Variants in MAP4K4 observed in about 807,000 individuals in gnomAD.
MAP4K4 encodes HPK/GCK-like kinase HGK.
In MAP4K4, 38 loss-of-function variants were observed where a neutral mutation model predicts 189.6. That is an observed-to-expected ratio of 0.20 (90% CI 0.15 to 0.26). The LOEUF is 0.26. Among genes scored for constraint, MAP4K4 ranks in the 10% least tolerant of loss-of-function variants. The pLI is 1.00. For missense variants in MAP4K4, 1,054 were observed against 1,726.9 expected, an observed-to-expected ratio of 0.61 and a Z score of 6.91; for synonymous variants, 610 against 624.3, an observed-to-expected ratio of 0.98 and a Z score of 0.34.
intron 2 of MAP4K4, among the ~76,000 whole-genome samples, chr2:101,783,156 A>G (rs1192768566): frequency 6.6e-6 from 1 of 152,170 alleles, no homozygotes; most frequent in Non-Finnish European, 1.5e-5. Flanking sequence ...CTTAGCTACT[A>G]GTTGAGTGTC....
chr2:101,764,197 G>A (rs1255335142), intron 2 of MAP4K4, among the ~76,000 whole-genome samples: 2 of 152,076 alleles, frequency 1.3e-5, no homozygotes, highest in African/African-American at 2.4e-5. Context: ...TAAGGGTCTA[G>A]CTTCCTTTTA....
chr2:101,776,889 A>G (rs528721939), intron 2 of MAP4K4, among the ~76,000 whole-genome samples: 3 of 152,308 alleles, frequency 2.0e-5, no homozygotes, highest in Admixed American at 6.5e-5. Context: ...ATAATAAGCA[A>G]TGTTACGGAC....
chr2:101,730,715 T>G (rs2058063181), intron 2 of MAP4K4, among the ~76,000 whole-genome samples: 1 of 152,160 alleles, frequency 6.6e-6, no homozygotes, highest in African/African-American at 2.4e-5. Context: ...TTACAAATCC[T>G]TAAAACTTAA....
At chr2:101,815,046 T>C (rs2095639436) in intron 3 of MAP4K4, among the ~76,000 whole-genome samples, 1 of 152,264 alleles carries the variant, frequency 6.6e-6, no homozygotes, top group African/African-American at 2.4e-5. Context: ...AGCCTCATTT[T>C]GACAGCCAAT....
Position 101,751,002 on chromosome 2 carries a change from C to T in MAP4K4, c.124-39718C>T, listed in dbSNP as rs182864848. ...TGAATTTGGGGACCAGTCCAGGCTC[C>T]ACAGCCTGGGCACAACACTGATACC... is the stretch of plus-strand genomic sequence containing the variant. On this transcript the variant is annotated intron_variant, in intron 2 of 32. Transcript: ENST00000324219. Among the ~76,000 whole-genome samples, 5 of 152,256 alleles carry T rather than the reference C, an allele frequency of 3.3e-5. No homozygotes were observed. The East Asian group carries it at 9.7e-4, about 29-fold the overall frequency.
At chr2:101,872,624 G>C (rs1218191087) in intron 24 of MAP4K4, among the ~76,000 whole-genome samples, 1 of 152,176 alleles carries the variant, frequency 6.6e-6, no homozygotes, top group Non-Finnish European at 1.5e-5. Flanking sequence ...CAAGTCAACT[G>C]CTTCCTAGAC....
At chr2:101,818,329 C>T (rs2095843277) in intron 3 of MAP4K4, among the ~76,000 whole-genome samples, 1 of 152,170 alleles carries the variant, frequency 6.6e-6, no homozygotes, top group Non-Finnish European at 1.5e-5. Flanking sequence ...TTTATCCGTC[C>T]TCTCTCCAAC....
At chr2:101,790,737 G>T (rs2092728076) in exon 3 of MAP4K4, 1 of 1,610,412 alleles carries the variant, frequency 6.2e-7, no homozygotes, top group South Asian at 1.1e-5. Flanking sequence ...ATGTTAAAAC[G>T]GGTCAGTTGG....
At chr2:101,778,755 G>T (rs896132096) in intron 2 of MAP4K4, among the ~76,000 whole-genome samples, 1 of 152,162 alleles carries the variant, frequency 6.6e-6, no homozygotes, top group Non-Finnish European at 1.5e-5. Flanking sequence ...TTTACATCCT[G>T]ACCTTCACCT....
chr2:101,814,171 A>G (rs1023550627), intron 3 of MAP4K4, among the ~76,000 whole-genome samples: 4 of 152,208 alleles, frequency 2.6e-5, no homozygotes, highest in Non-Finnish European at 5.9e-5. Context: ...ATGCTATCAC[A>G]TTTTCTGCAG....
At chr2:101,863,913 C>T in exon 17 of MAP4K4, 1 of 1,367,702 alleles carries the variant, frequency 7.3e-7, no homozygotes, top group South Asian at 1.1e-5. Flanking sequence ...AATTTGCACA[C>T]CACCATCTTC....
At chr2:101,746,795 C>T (rs1049298577) in intron 2 of MAP4K4, among the ~76,000 whole-genome samples, 2 of 151,924 alleles carry the variant, frequency 1.3e-5, no homozygotes, top group African/African-American at 4.8e-5. Flanking sequence ...CCTCCCTTGA[C>T]TTAGGTAGGT....
intron 27 of MAP4K4, among the ~76,000 whole-genome samples, chr2:101,878,740 TAC>T (rs2098284917): frequency 6.6e-6 from 1 of 152,182 alleles, no homozygotes; most frequent in African/African-American, 2.4e-5. Context: ...TACCACTACT[TAC>T]AGTCACTTAT....
At chr2:101,837,434 T>C (rs1288783007) in intron 9 of MAP4K4, among the ~76,000 whole-genome samples, 1 of 152,090 alleles carries the variant, frequency 6.6e-6, no homozygotes, top group Non-Finnish European at 1.5e-5. Context: ...TCTCATTTTT[T>C]ATACAGTCTT....
chr2:101,779,812 T>C (rs947568461), intron 2 of MAP4K4, among the ~76,000 whole-genome samples: 17 of 150,354 alleles, frequency 1.1e-4, no homozygotes, highest in Middle Eastern at 3.4e-3. Flanking sequence ...CACCTCTCTT[T>C]TTTTTTTTTT....
At chr2:101,704,233 C>T (rs754148424) in intron 2 of MAP4K4, among the ~76,000 whole-genome samples, 2 of 151,978 alleles carry the variant, frequency 1.3e-5, no homozygotes, top group African/African-American at 4.8e-5. Flanking sequence ...CAGGCTTGTT[C>T]TGAGACATAG....
Position 101,873,777 on chromosome 2 carries a change from G to T in MAP4K4, c.3070+13G>T. 1 of 1,548,966 alleles carries T rather than the reference G, an allele frequency of 6.5e-7. No homozygotes were observed. On this transcript the variant is annotated intron_variant, in intron 25 of 32. Coordinates refer to ENST00000324219, the Ensembl canonical transcript of MAP4K4. Reference sequence around the variant, plus strand: ...GTGACATCTGTGGGTAAGTACAGTAGCAACAAGAAAGCAGCTGACAAATGG... The same window carrying T: ...GTGACATCTGTGGGTAAGTACAGTATCAACAAGAAAGCAGCTGACAAATGG...
At chr2:101,839,369 A>G (rs1159665993) in intron 9 of MAP4K4, among the ~76,000 whole-genome samples, 3 of 152,250 alleles carry the variant, frequency 2.0e-5, no homozygotes, top group Admixed American at 6.5e-5. Flanking sequence ...AACAGGTTCA[A>G]GAGACCCAGC....
At chr2:101,890,813 TG>T (rs1237769310) in intron 32 of MAP4K4, among the ~76,000 whole-genome samples, 1 of 152,010 alleles carries the variant, frequency 6.6e-6, no homozygotes. Context: ...CAGGCTGGAA[TG>T]CAGTGGTGTG....
Sources: allele counts gnomAD v4.1 joint callset (sites outside exome capture counted in the v4.1 genomes callset), GRCh38; gene constraint gnomAD v4.1.1; transcripts MANE v1.5; gene names NCBI Gene and HGNC (gene_info 2026-07-23, HGNC 2026-07-21).